EYA1: variants seen among roughly 807,000 people sequenced by gnomAD.
EYA1 encodes the protein EYA transcriptional coactivator and phosphatase 1.
Under a neutral mutation model 82.0 loss-of-function variants are expected in EYA1, and 16 were observed. The observed-to-expected ratio is 0.20, with a 90% CI of 0.13 to 0.30. The LOEUF is 0.30. Ranked by LOEUF, EYA1 falls within the 10% of genes least tolerant of loss-of-function variation. EYA1 has a pLI of 1.00. For missense variants in EYA1, 633 were observed against 730.7 expected (o/e 0.87, Z 1.54); for synonymous variants, 261 against 264.4 (o/e 0.99, Z 0.12).
At chr8:71,330,443 T>C (rs1381383533) in intron 4 of EYA1, among the ~76,000 whole-genome samples, 2 of 152,204 alleles carry the variant, frequency 1.3e-5, no homozygotes, top group Non-Finnish European at 2.9e-5. Flanking sequence ...GTCAGCTGTA[T>C]GAAACCACCC....
chr8:71,282,666 C>T (rs970527086), intron 9 of EYA1, among the ~76,000 whole-genome samples: 1 of 152,196 alleles, frequency 6.6e-6, no homozygotes, highest in Non-Finnish European at 1.5e-5. Context: ...GGCTCTTCCT[C>T]TTTTCCCAGC....
chr8:71,442,191 G>A (rs1412880635), intron 2 of EYA1, among the ~76,000 whole-genome samples: 1 of 152,166 alleles, frequency 6.6e-6, no homozygotes, highest in Non-Finnish European at 1.5e-5. Flanking sequence ...TTAGTTCTTA[G>A]TATAAGTAAG....
intron 2 of EYA1, among the ~76,000 whole-genome samples, chr8:71,384,627 A>G (rs1828878368): frequency 6.6e-6 from 1 of 152,216 alleles, no homozygotes; most frequent in South Asian, 2.1e-4. Flanking sequence ...ACAATCAAAC[A>G]TTTGCTTGAT....
intron 2 of EYA1, among the ~76,000 whole-genome samples, chr8:71,528,908 G>T (rs1004919279): frequency 4.6e-5 from 7 of 152,188 alleles, no homozygotes; most frequent in Non-Finnish European, 1.0e-4. Flanking sequence ...AAGCAGATGT[G>T]TCTGACTTTA....
intron 1 of EYA1, among the ~76,000 whole-genome samples, chr8:71,360,064 A>G (rs1226095084): frequency 1.3e-5 from 2 of 152,226 alleles, no homozygotes; most frequent in African/African-American, 4.8e-5. Flanking sequence ...GGAGACGTCA[A>G]TGTTTTTTAA....
rs762694593 is a variant in EYA1, at chr8:71,271,912, G to C, written c.827-15C>G. ...TGTGCTGTACTCTGCAGGAATATAGGAAGGACTTTCATCTTTTATTTCCAT... is the reference window on the plus strand; with the variant it reads ...TGTGCTGTACTCTGCAGGAATATAGCAAGGACTTTCATCTTTTATTTCCAT... On this transcript the variant is annotated splice_polypyrimidine_tract_variant and intron_variant, in intron 9 of 17. Coordinates refer to ENST00000340726, the MANE Select transcript of EYA1 (RefSeq NM_000503.6). 6 of 1,614,000 alleles carry C rather than the reference G, an allele frequency of 3.7e-6. No homozygotes were observed. The African/African-American group carries it at 6.7e-5, about 18-fold the overall frequency.
At chr8:71,406,896 T>G (rs1369766724) in intron 2 of EYA1, among the ~76,000 whole-genome samples, 2 of 145,370 alleles carry the variant, frequency 1.4e-5, no homozygotes, top group Non-Finnish European at 3.0e-5. Flanking sequence ...CCTGCCTGCC[T>G]CTGTAGGCTC....
chr8:71,216,580 G>A lies in EYA1; in HGVS notation c.1360+112C>T, dbSNP rs1809232359. On this transcript the variant is annotated intron_variant, in intron 14 of 17. Transcript: ENST00000340726. ...GAATAATGGCCAGTGAGATGAAACTGCCCAAATAGAAGCTATTATATTCAA... is the reference window on the plus strand; with the variant it reads ...GAATAATGGCCAGTGAGATGAAACTACCCAAATAGAAGCTATTATATTCAA... 7.8e-6 allele frequency: 9 copies of A among 1,152,658 alleles called. No individual in the cohort carries two copies. The East Asian group carries it at 1.2e-4, about 15-fold the overall frequency. The allele number at this position is 1,152,658 out of a possible 1,614,324, so 71.4% of individuals were successfully genotyped here.
chr8:71,374,787 CTG>C (rs1563547687), intron 2 of EYA1, among the ~76,000 whole-genome samples: 1 of 152,028 alleles, frequency 6.6e-6, no homozygotes, highest in African/African-American at 2.4e-5. Flanking sequence ...AATAAAGAAA[CTG>C]TGGTATATAT....
At chr8:71,229,764 T>G (rs1585885659) in intron 12 of EYA1, among the ~76,000 whole-genome samples, 1 of 152,370 alleles carries the variant, frequency 6.6e-6, no homozygotes, top group East Asian at 1.9e-4. Context: ...TGTAACATTC[T>G]TCTAGTCCAA....
chr8:71,427,873 A>C (rs1586697740), intron 2 of EYA1, among the ~76,000 whole-genome samples: 1 of 151,920 alleles, frequency 6.6e-6, no homozygotes, highest in African/African-American at 2.4e-5. Flanking sequence ...ATAAAAAATT[A>C]GCCTGGTGTG....
chr8:71,453,412 A>C (rs1364597474), intron 2 of EYA1, among the ~76,000 whole-genome samples: 1 of 152,184 alleles, frequency 6.6e-6, no homozygotes, highest in African/African-American at 2.4e-5. Flanking sequence ...TTCAGGAAAT[A>C]CAGAGAACGC....
chr8:71,408,204 A>C (rs1830380439), intron 2 of EYA1, among the ~76,000 whole-genome samples: 1 of 151,978 alleles, frequency 6.6e-6, no homozygotes, highest in Non-Finnish European at 1.5e-5. Flanking sequence ...GCCTGCCCTA[A>C]AAGAGCTCCT....
intron 2 of EYA1, among the ~76,000 whole-genome samples, chr8:71,440,148 G>A (rs1260254401): frequency 6.6e-6 from 1 of 152,172 alleles, no homozygotes; most frequent in East Asian, 1.9e-4. Flanking sequence ...TAATGGAGGT[G>A]TGACGCAACA....
upstream of EYA1, among the ~76,000 whole-genome samples, chr8:71,365,642 A>G (rs930219308): frequency 6.6e-6 from 1 of 152,098 alleles, no homozygotes; most frequent in Non-Finnish European, 1.5e-5. Context: ...TATTTTTCTT[A>G]TGGTCCATGC....
rs1190365547 is a variant in EYA1 at position 71,298,402 on chromosome 8, G to A, written c.826+645C>T. On this transcript the variant is annotated intron_variant, in intron 9 of 17. Coordinates refer to ENST00000340726, the MANE Select transcript of EYA1 (RefSeq NM_000503.6). ...AAACGTTAAGTAAAGACCAATTCAG[G>A]AAATCAGGCAGACACCATTAAGAGT... 3.3e-5 allele frequency among the ~76,000 whole-genome samples: 5 copies of A among 152,166 alleles called. No homozygotes were observed. The East Asian group carries it at 9.6e-4, about 29-fold the overall frequency.
At chr8:71,259,582 T>G in intron 11 of EYA1, among the ~76,000 whole-genome samples, 1 of 152,360 alleles carries the variant, frequency 6.6e-6, no homozygotes, top group South Asian at 2.1e-4. Flanking sequence ...TGGCTTCAAA[T>G]GACAATGTAG....
chr8:71,338,904 G>C (rs929235350), intron 3 of EYA1, among the ~76,000 whole-genome samples: 2 of 152,208 alleles, frequency 1.3e-5, no homozygotes, highest in Non-Finnish European at 2.9e-5. Context: ...GCTTGTCTTT[G>C]CTTGGCACAA....
chr8:71,412,765 G>A (rs573086773), intron 2 of EYA1, among the ~76,000 whole-genome samples: 4 of 152,290 alleles, frequency 2.6e-5, no homozygotes, highest in African/African-American at 9.6e-5. Context: ...TGACCAACGT[G>A]GCCAACATCA....
Sources: gnomAD v4.1 joint callset for allele counts (sites outside exome capture counted in the v4.1 genomes callset) on GRCh38, gnomAD v4.1.1 for gene constraint, MANE v1.5 for transcripts, NCBI Gene and HGNC (gene_info 2026-07-23, HGNC 2026-07-21) for gene names.